ZNF469: variants seen among roughly 807,000 people sequenced by gnomAD.
ZNF469 encodes the protein zinc finger protein 469.
A neutral mutation model predicts 1.0 loss-of-function variants in ZNF469; 1 was observed. That is an observed-to-expected ratio of 1.00 (90% CI 0.35 to 4.73). The LOEUF is 4.73. ZNF469 is among the 30% of genes most tolerant of loss of function. The probability of loss-of-function intolerance (pLI) is 0.16; values close to 1 mark genes in which losing one functional copy is unlikely to be tolerated. For missense variants in ZNF469, 6,100 were observed against 5,356.3 expected (o/e 1.14, Z -4.33); for synonymous variants, 2,703 against 2,363.4 (o/e 1.14, Z -4.17).
At chr16:88,216,038 C>T in the ZNF469 span, among the ~76,000 whole-genome samples, 2 of 151,996 alleles carry the variant, frequency 1.3e-5, no homozygotes, top group African/African-American at 4.8e-5. Flanking sequence ...TCCTTTTGCC[C>T]TAAGAACTCT....
At chr16:88,368,200 G>T in the ZNF469 span, among the ~76,000 whole-genome samples, 1 of 152,260 alleles carries the variant, frequency 6.6e-6, no homozygotes, top group African/African-American at 2.4e-5. Flanking sequence ...TGTCCTTCTG[G>T]ACAGTGACCG....
chr16:88,381,047 C>T (rs1165846348), upstream of ZNF469, among the ~76,000 whole-genome samples: 1 of 149,872 alleles, frequency 6.7e-6, no homozygotes, highest in Non-Finnish European at 1.5e-5. Context: ...CATGCACTCA[C>T]ACAGACACGC....
At chr16:88,303,397 C>G in the ZNF469 span, among the ~76,000 whole-genome samples, 3 of 152,204 alleles carry the variant, frequency 2.0e-5, no homozygotes, top group Non-Finnish European at 4.4e-5. Flanking sequence ...TCCAGTGGGC[C>G]TTTCCAGCCG....
the ZNF469 span, among the ~76,000 whole-genome samples, chr16:88,352,178 A>G: frequency 6.6e-6 from 1 of 152,102 alleles, no homozygotes; most frequent in Non-Finnish European, 1.5e-5. Context: ...GTTAGGAAAA[A>G]GCTCCAAAAC....
chr16:88,208,182 T>C, the ZNF469 span, among the ~76,000 whole-genome samples: 1 of 151,998 alleles, frequency 6.6e-6, no homozygotes, highest in Non-Finnish European at 1.5e-5. Context: ...GTTTGGTCGG[T>C]GGGAGCCCCT....
At chr16:88,270,848 G>T in the ZNF469 span, among the ~76,000 whole-genome samples, 1 of 152,242 alleles carries the variant, frequency 6.6e-6, no homozygotes, top group East Asian at 1.9e-4. Flanking sequence ...GATCAGTGCC[G>T]TTGGCTTGAG....
the ZNF469 span, among the ~76,000 whole-genome samples, chr16:88,189,788 A>G: frequency 6.6e-6 from 1 of 152,138 alleles, no homozygotes; most frequent in Non-Finnish European, 1.5e-5. This position sits in a 1 kb window ranked among gnomAD's most constrained non-coding sequence, Gnocchi z 4.3. Flanking sequence ...GCATGGTGGC[A>G]GGCACCTGTA....
At chr16:88,410,001 G>A (rs1037444336) in intron 1 of ZNF469, among the ~76,000 whole-genome samples, 3 of 151,990 alleles carry the variant, frequency 2.0e-5, no homozygotes, top group Non-Finnish European at 4.4e-5. Context: ...AGGGGATGCC[G>A]AGTGTTCCAG....
At chr16:88,195,872 T>C in the ZNF469 span, among the ~76,000 whole-genome samples, 1 of 152,166 alleles carries the variant, frequency 6.6e-6, no homozygotes, top group South Asian at 2.1e-4. Context: ...CCTCTGTGGG[T>C]TTGGGAAGGT....
intron 1 of ZNF469, among the ~76,000 whole-genome samples, chr16:88,396,062 C>T (rs576797895): frequency 3.0e-4 from 45 of 152,356 alleles, no homozygotes; most frequent in African/African-American, 1.1e-3. Flanking sequence ...TGTATCCACT[C>T]CACGTCCCTT....
chr16:88,171,979 C>T, the ZNF469 span, among the ~76,000 whole-genome samples: 1 of 152,186 alleles, frequency 6.6e-6, no homozygotes, highest in African/African-American at 2.4e-5. Flanking sequence ...CATGTTCAGA[C>T]ATTGGACAAC....
chr16:88,347,018 G>T, the ZNF469 span, among the ~76,000 whole-genome samples: 1 of 152,160 alleles, frequency 6.6e-6, no homozygotes, highest in South Asian at 2.1e-4. Context: ...CTGGTTCTGG[G>T]GGGAAGTAAG....
At chr16:88,262,067 T>C in the ZNF469 span, among the ~76,000 whole-genome samples, 3 of 152,114 alleles carry the variant, frequency 2.0e-5, no homozygotes, top group Non-Finnish European at 4.4e-5. This position sits in a 1 kb window ranked among gnomAD's most constrained non-coding sequence, Gnocchi z 4.3. Flanking sequence ...GATCTACGAG[T>C]GACAACCAGG....
the ZNF469 span, among the ~76,000 whole-genome samples, chr16:88,262,743 GA>G: frequency 6.6e-6 from 1 of 152,122 alleles, no homozygotes; most frequent in Admixed American, 6.5e-5. The surrounding 1 kb of genome is among the most constrained non-coding windows in gnomAD (Gnocchi z 4.3). Context: ...CAGGGCCAGG[GA>G]TGCTTCAGTG....
the ZNF469 span, among the ~76,000 whole-genome samples, chr16:88,124,414 C>G: frequency 6.6e-6 from 1 of 151,890 alleles, no homozygotes; most frequent in Admixed American, 6.6e-5. Context: ...TTTGTGGAGA[C>G]AGGGCCTCAC....
chr16:88,301,089 C>G, the ZNF469 span, among the ~76,000 whole-genome samples: 1 of 152,028 alleles, frequency 6.6e-6, no homozygotes, highest in South Asian at 2.1e-4. Context: ...AAGAAAAGAA[C>G]TAAAGCCGTT....
At chr16:88,222,071 C>G in the ZNF469 span, among the ~76,000 whole-genome samples, 3 of 152,114 alleles carry the variant, frequency 2.0e-5, 1 homozygote, top group South Asian at 6.2e-4. Context: ...ACTTTCTGAG[C>G]TGAGATCCAC....
intron 1 of ZNF469, among the ~76,000 whole-genome samples, chr16:88,393,442 T>C (rs1252301928): frequency 6.6e-6 from 1 of 152,154 alleles, no homozygotes; most frequent in East Asian, 1.9e-4. Context: ...GACCGGTGCC[T>C]GGGGAATAAT....
chr16:88,393,468 G>A (rs1275083685), intron 1 of ZNF469, among the ~76,000 whole-genome samples: 1 of 152,198 alleles, frequency 6.6e-6, no homozygotes, highest in African/African-American at 2.4e-5. Flanking sequence ...TCTCCAGAGG[G>A]CACCCAGGGG....
Sources: allele counts gnomAD v4.1 joint callset (sites outside exome capture counted in the v4.1 genomes callset), GRCh38; gene constraint gnomAD v4.1.1; non-coding constraint Gnocchi (gnomAD v3.1); transcripts MANE v1.5; gene names NCBI Gene and HGNC (gene_info 2026-07-23, HGNC 2026-07-21).